ADD3: variants seen among roughly 807,000 people sequenced by gnomAD.
ADD3 encodes adducin 3.
A neutral mutation model predicts 80.2 loss-of-function variants in ADD3; 25 were observed. The observed-to-expected ratio is 0.31, with a 90% CI of 0.23 to 0.44. The LOEUF is 0.44. Among genes scored for constraint, ADD3 ranks in the 20% least tolerant of loss-of-function variants. The probability of loss-of-function intolerance (pLI) is 1.00; values close to 1 mark genes in which losing one functional copy is unlikely to be tolerated. For synonymous variants in ADD3, 284 were observed against 289.6 expected (o/e 0.98, Z 0.20); for missense variants, 829 against 847.5 (o/e 0.98, Z 0.27).
intron 3 of ADD3, among the ~76,000 whole-genome samples, chr10:110,115,896 G>A (rs1385690455): frequency 6.6e-6 from 1 of 152,162 alleles, no homozygotes; most frequent in East Asian, 1.9e-4. Context: ...TAGAAAAGTA[G>A]CTTTCTGTTG....
intron 1 of ADD3, among the ~76,000 whole-genome samples, chr10:110,089,718 A>G (rs1847234192): frequency 6.6e-6 from 1 of 151,306 alleles, no homozygotes; most frequent in Non-Finnish European, 1.5e-5. Flanking sequence ...TATATGATAT[A>G]TGTTTATAAT....
At chr10:110,090,640 A>G (rs1320043797) in intron 1 of ADD3, among the ~76,000 whole-genome samples, 3 of 152,246 alleles carry the variant, frequency 2.0e-5, no homozygotes, top group Non-Finnish European at 2.9e-5. Flanking sequence ...ATGTTTGCCA[A>G]GAGTTTATAT....
intron 2 of ADD3, chr10:110,106,139 C>CTTTT (rs61018828): frequency 1.4e-5 from 2 of 141,210 alleles, no homozygotes; most frequent in African/African-American, 5.1e-5. Flanking sequence ...AGTCTGTAAT[C>CTTTT]TTTTTTTTTT....
At chr10:110,015,444 C>T (rs1260697850) in intron 1 of ADD3, among the ~76,000 whole-genome samples, 5 of 149,680 alleles carry the variant, frequency 3.3e-5, no homozygotes, top group Non-Finnish European at 7.4e-5. Flanking sequence ...GGCCTGATCT[C>T]GGCTCACTGC....
upstream of ADD3, among the ~76,000 whole-genome samples, chr10:110,003,302 G>GGGGTGT (rs140966434): frequency 1.4e-5 from 2 of 146,940 alleles, no homozygotes; most frequent in African/African-American, 5.1e-5. Context: ...GAACAGTAAG[G>GGGGTGT]GTGTGTGTGT....
chr10:110,063,457 C>T (rs752071279), intron 1 of ADD3, among the ~76,000 whole-genome samples: 2 of 151,720 alleles, frequency 1.3e-5, no homozygotes, highest in Non-Finnish European at 2.9e-5. Context: ...ATATAGAGCT[C>T]ATATAGGAGA....
intron 1 of ADD3, among the ~76,000 whole-genome samples, chr10:110,099,083 CTTT>C (rs34380039): frequency 1.5e-5 from 2 of 135,878 alleles, no homozygotes; most frequent in African/African-American, 2.7e-5. Context: ...ACACGCCTGG[CTTT>C]TTTTTTTTTT....
At chr10:110,007,133 T>C (rs1481369848), upstream of ADD3, among the ~76,000 whole-genome samples, 1 of 152,152 alleles carries the variant, frequency 6.6e-6, no homozygotes, top group Non-Finnish European at 1.5e-5. Context: ...TGTTGCAAAG[T>C]TTGCCCGGCC....
intron 1 of ADD3, among the ~76,000 whole-genome samples, chr10:110,069,113 G>A (rs1397318125): frequency 5.3e-5 from 8 of 151,938 alleles, no homozygotes; most frequent in Admixed American, 2.6e-4. Flanking sequence ...GTATAACATG[G>A]TTAAATGCAG....
chr10:110,027,337 T>C (rs914065903), intron 1 of ADD3, among the ~76,000 whole-genome samples: 3 of 152,216 alleles, frequency 2.0e-5, no homozygotes, highest in African/African-American at 7.2e-5. Context: ...CTGCATGGTA[T>C]AATTTGAAGT....
chr10:110,066,903 A>G (rs1844026345), intron 1 of ADD3, among the ~76,000 whole-genome samples: 1 of 152,170 alleles, frequency 6.6e-6, no homozygotes, highest in Admixed American at 6.5e-5. Context: ...AGAGGTTTGT[A>G]TATTTAGATC....
chr10:110,023,609 A>G (rs149092093), intron 1 of ADD3, among the ~76,000 whole-genome samples: 1 of 152,360 alleles, frequency 6.6e-6, no homozygotes, highest in Non-Finnish European at 1.5e-5. Flanking sequence ...GACAGAGGAA[A>G]GAGAACACTT....
Position 110,099,701 on chromosome 10 carries a change from T to A in ADD3, c.-29-924T>A, listed in dbSNP as rs373428970. On this transcript the variant is annotated intron_variant, in intron 1 of 14. Transcript: ENST00000356080. ...CCTAATGTTTTTTAAACATGCATGT[T>A]GGATAGTTGTTGCATAAATATTTGC... Among the ~76,000 whole-genome samples the A allele has an allele frequency of 6.0e-4, 92 of 152,278 alleles. 1 individual carries two copies. The highest frequency in any genetic ancestry group is 3.9e-3 in the South Asian group (19 of 4,826).
At chr10:110,054,127 T>TA (rs1857848169) in intron 1 of ADD3, among the ~76,000 whole-genome samples, 1 of 152,206 alleles carries the variant, frequency 6.6e-6, no homozygotes, top group South Asian at 2.1e-4. Flanking sequence ...GTATGAACAA[T>TA]AAAGTTTCGT....
At chr10:110,117,243 G>C in intron 4 of ADD3, 99 bp from the exon 5 acceptor site, 2 of 579,214 alleles carry the variant, frequency 3.5e-6, no homozygotes, top group Non-Finnish European at 3.0e-6. Context: ...TTTTTTTCCT[G>C]ATCTCTTACA....
At chr10:110,044,014 C>G (rs1306943661) in intron 1 of ADD3, among the ~76,000 whole-genome samples, 1 of 152,110 alleles carries the variant, frequency 6.6e-6, no homozygotes, top group Non-Finnish European at 1.5e-5. Flanking sequence ...CAAGACCAGT[C>G]TGACCAATAT....
upstream of ADD3, among the ~76,000 whole-genome samples, chr10:110,001,943 G>A (rs947039825): frequency 1.3e-5 from 2 of 152,156 alleles, no homozygotes; most frequent in Admixed American, 1.3e-4. Context: ...CGTATTTTAG[G>A]TTTCACATAG....
At chr10:110,082,496 T>C (rs886908465) in intron 1 of ADD3, among the ~76,000 whole-genome samples, 1 of 152,214 alleles carries the variant, frequency 6.6e-6, no homozygotes, top group Non-Finnish European at 1.5e-5. Context: ...CTGTAAAACA[T>C]TAAACTGTCT....
chr10:110,114,925 A>T (rs920543665), intron 3 of ADD3, among the ~76,000 whole-genome samples: 15 of 151,788 alleles, frequency 9.9e-5, no homozygotes, highest in African/African-American at 3.4e-4. Flanking sequence ...TAAACAAATT[A>T]AAAAATTAGC....
Sources: gnomAD v4.1 joint callset for allele counts (sites outside exome capture counted in the v4.1 genomes callset) on GRCh38, gnomAD v4.1.1 for gene constraint, MANE v1.5 for transcripts, NCBI Gene and HGNC (gene_info 2026-07-23, HGNC 2026-07-21) for gene names.